Variants in CCSER1 observed in about 807,000 individuals in gnomAD.
CCSER1 encodes coiled-coil serine rich protein 1, also known as serine-rich coiled-coil domain-containing protein 1.
In CCSER1, 41 loss-of-function variants were observed where a neutral mutation model predicts 82.0. That is an observed-to-expected ratio of 0.50 (90% CI 0.39 to 0.65). The LOEUF (loss-of-function observed/expected upper bound fraction) is 0.65, where lower values mean the gene tolerates loss of function less well. Among genes scored for constraint, CCSER1 ranks in the 30% least tolerant of loss-of-function variants. The probability of loss-of-function intolerance (pLI) is 0.00; values close to 1 mark genes in which losing one functional copy is unlikely to be tolerated. For synonymous variants in CCSER1, 414 were observed against 383.9 expected (o/e 1.08, Z -0.92); for missense variants, 1,119 against 1,064.2 (o/e 1.05, Z -0.72).
At chr4:90,999,380 C>T (rs976447007) in intron 9 of CCSER1, among the ~76,000 whole-genome samples, 5 of 152,164 alleles carry the variant, frequency 3.3e-5, no homozygotes, top group African/African-American at 1.2e-4. Flanking sequence ...TCTCCACAGC[C>T]TCATCAACAT....
intron 8 of CCSER1, among the ~76,000 whole-genome samples, chr4:90,841,404 C>A (rs537778255): frequency 6.6e-6 from 1 of 151,782 alleles, no homozygotes; most frequent in East Asian, 1.9e-4. Flanking sequence ...CAATGAAACC[C>A]CGTCTCTACT....
At position 90,254,321 on chromosome 4, in the gene CCSER1, G is replaced by C. The variant is rs141497314; in HGVS notation, c.-41-53923G>C. ...TTCCAGAGCTGGTGGTCAGGAAGTC[G>C]CTCACTTCTCTAGGAATGACAGCCT... On this transcript the variant is annotated intron_variant, in intron 1 of 10. Coordinates refer to ENST00000509176, the MANE Select transcript of CCSER1 (RefSeq NM_001145065.2). 5.5e-3 allele frequency among the ~76,000 whole-genome samples: 834 copies of C among 152,250 alleles called. 5 individuals carry two copies. The highest frequency in any genetic ancestry group is 8.3e-3 in the Non-Finnish European group (566 of 68,004).
intron 8 of CCSER1, among the ~76,000 whole-genome samples, chr4:90,821,978 G>C (rs1759787501): frequency 6.6e-6 from 1 of 152,044 alleles, no homozygotes; most frequent in South Asian, 2.1e-4. Context: ...TCTTATCAGT[G>C]GTTTCAAAAA....
intron 5 of CCSER1, among the ~76,000 whole-genome samples, chr4:90,543,254 A>G (rs1444965950): frequency 6.6e-6 from 1 of 152,130 alleles, no homozygotes; most frequent in East Asian, 1.9e-4. Flanking sequence ...CAACCTAAAA[A>G]CACACTGAGT....
chr4:90,582,344 C>T (rs2148643351), intron 5 of CCSER1, among the ~76,000 whole-genome samples: 1 of 152,182 alleles, frequency 6.6e-6, no homozygotes, highest in African/African-American at 2.4e-5. Flanking sequence ...CTTTATGTTG[C>T]AAATTATATC....
rs1287384051 is a variant in CCSER1 at position 90,441,507 on chromosome 4, G to T, written c.1604-26727G>T. Among the ~76,000 whole-genome samples the T allele has an allele frequency of 2.0e-5, 3 of 151,778 alleles. No individual in the cohort carries two copies. The East Asian group carries it at 5.9e-4, about 30-fold the overall frequency. On this transcript the variant is annotated intron_variant, in intron 4 of 10. Transcript: ENST00000509176. ...TTTAAGGGCACTAATTCCACCATAA[G>T]AGCCCCAACTTTGTGACCTTGTCTA...
intron 6 of CCSER1, among the ~76,000 whole-genome samples, chr4:90,658,590 A>G (rs977334706): frequency 1.9e-4 from 29 of 152,188 alleles, no homozygotes; most frequent in African/African-American, 6.5e-4. Context: ...TAAAAGTGAC[A>G]CCAAATGTTA....
intron 8 of CCSER1, among the ~76,000 whole-genome samples, chr4:90,891,385 CAAT>C (rs1002301375): frequency 4.0e-5 from 6 of 151,128 alleles, no homozygotes; most frequent in Non-Finnish European, 8.9e-5. Flanking sequence ...TAAATTAAAA[CAAT>C]GTTTTAAAAA....
At chr4:90,534,418 C>T (rs961506197) in intron 5 of CCSER1, among the ~76,000 whole-genome samples, 2 of 150,502 alleles carry the variant, frequency 1.3e-5, no homozygotes, top group Non-Finnish European at 1.5e-5. Context: ...CGTGAGCCAC[C>T]GAGCCCAGGC....
chr4:91,203,394 T>G (rs1436439105), intron 10 of CCSER1, among the ~76,000 whole-genome samples: 2 of 152,104 alleles, frequency 1.3e-5, no homozygotes, highest in Non-Finnish European at 2.9e-5. Flanking sequence ...AGTATTTATT[T>G]AACAAATGTG....
intron 10 of CCSER1, among the ~76,000 whole-genome samples, chr4:91,378,181 C>A (rs1180567983): frequency 6.6e-6 from 1 of 152,060 alleles, no homozygotes; most frequent in Admixed American, 6.6e-5. Context: ...AGTCAGGTAG[C>A]GTGATGCCTC....
At chr4:91,105,621 T>A (rs746608792) in intron 10 of CCSER1, among the ~76,000 whole-genome samples, 3 of 152,018 alleles carry the variant, frequency 2.0e-5, no homozygotes, top group Non-Finnish European at 4.4e-5. Context: ...GGGGAATCGC[T>A]TGAACCTGGG....
At chr4:90,180,847 C>T (rs1733603486) in intron 1 of CCSER1, among the ~76,000 whole-genome samples, 1 of 152,008 alleles carries the variant, frequency 6.6e-6, no homozygotes, top group Non-Finnish European at 1.5e-5. Context: ...AAATGAACAT[C>T]ATAATGTAAA....
At chr4:91,317,048 T>G (rs1745884530) in intron 10 of CCSER1, among the ~76,000 whole-genome samples, 1 of 152,032 alleles carries the variant, frequency 6.6e-6, no homozygotes. Flanking sequence ...AGATTTTAAA[T>G]GTTCCCAACA....
At chr4:90,478,109 G>A (rs1436915119) in intron 5 of CCSER1, among the ~76,000 whole-genome samples, 1 of 152,168 alleles carries the variant, frequency 6.6e-6, no homozygotes, top group Non-Finnish European at 1.5e-5. Context: ...ATGAGCAAAA[G>A]TCTGGGAATG....
chr4:91,255,939 G>A (rs937971558), intron 10 of CCSER1, among the ~76,000 whole-genome samples: 13 of 152,100 alleles, frequency 8.5e-5, no homozygotes, highest in African/African-American at 2.9e-4. Flanking sequence ...TGAGATCTGG[G>A]CACCTTGAAA....
At chr4:90,598,829 T>A (rs1027628515) in intron 5 of CCSER1, among the ~76,000 whole-genome samples, 6 of 152,064 alleles carry the variant, frequency 3.9e-5, no homozygotes, top group African/African-American at 1.4e-4. Flanking sequence ...AATGGGGAGA[T>A]GAGCCTCTGA....
chr4:91,153,737 C>T (rs1298309637), intron 10 of CCSER1, among the ~76,000 whole-genome samples: 2 of 151,890 alleles, frequency 1.3e-5, no homozygotes, highest in Non-Finnish European at 2.9e-5. Context: ...CAGTGAAGAC[C>T]GTCAGCTGCA....
chr4:90,514,949 T>C lies in CCSER1; in HGVS notation c.1724+46595T>C, dbSNP rs1344296361. 4.6e-5 allele frequency among the ~76,000 whole-genome samples: 7 copies of C among 151,700 alleles called. No individual in the cohort carries two copies. In the East Asian group the frequency reaches 1.4e-3, roughly 30 times the overall value. The stretch of plus-strand genomic sequence containing the variant: ...CTTGGTTCACTGCAACCTCTGCCTC[T>C]CAGGTTCAAGCGATTTTCCTGCTTC... On this transcript the variant is annotated intron_variant, in intron 5 of 10. Transcript: ENST00000509176.
Sources: gnomAD v4.1 joint callset for allele counts (sites outside exome capture counted in the v4.1 genomes callset) on GRCh38, gnomAD v4.1.1 for gene constraint, MANE v1.5 for transcripts, NCBI Gene and HGNC (gene_info 2026-07-23, HGNC 2026-07-21) for gene names.